FAM222B: variants seen among roughly 807,000 people sequenced by gnomAD.
The protein encoded by FAM222B is family with sequence similarity 222 member B, also known as protein FAM222B.
Under a neutral mutation model 38.0 loss-of-function variants are expected in FAM222B, and 12 were observed. The observed-to-expected ratio is 0.32, with a 90% confidence interval of 0.20 to 0.51. The LOEUF (loss-of-function observed/expected upper bound fraction) is 0.51, where lower values mean the gene tolerates loss of function less well. FAM222B is among the 20% of genes least tolerant of loss of function. The pLI, the probability that FAM222B is intolerant of heterozygous loss-of-function variation, is 0.97. For synonymous variants in FAM222B, 329 were observed against 317.2 expected, an observed-to-expected ratio of 1.04 and a Z score of -0.40; for missense variants, 716 against 754.2, an observed-to-expected ratio of 0.95 and a Z score of 0.59.
intron 1 of FAM222B, among the ~76,000 whole-genome samples, chr17:28,811,484 A>C (rs1246391568): frequency 2.6e-5 from 4 of 152,132 alleles, no homozygotes; most frequent in African/African-American, 9.7e-5. Context: ...ACTAAAATAC[A>C]TCTGGAGGTT....
At chr17:28,823,742 C>T (rs1383336701) in intron 1 of FAM222B, among the ~76,000 whole-genome samples, 1 of 152,130 alleles carries the variant, frequency 6.6e-6, no homozygotes, top group Non-Finnish European at 1.5e-5. Flanking sequence ...TGATTAAATA[C>T]CATGACTTCA....
At chr17:28,790,880 T>G (rs1465780676) in intron 1 of FAM222B, among the ~76,000 whole-genome samples, 3 of 128,028 alleles carry the variant, frequency 2.3e-5, no homozygotes, top group Admixed American at 1.8e-4. Context: ...TTCAAATTGT[T>G]TCACTTTTTT....
chr17:28,780,231 C>T (rs547325133), intron 1 of FAM222B, among the ~76,000 whole-genome samples: 1 of 152,004 alleles, frequency 6.6e-6, no homozygotes, highest in African/African-American at 2.4e-5. Flanking sequence ...CAGCCCACTC[C>T]AGCCACTTTT....
At chr17:28,806,251 T>C (rs1394433094) in intron 1 of FAM222B, among the ~76,000 whole-genome samples, 1 of 152,208 alleles carries the variant, frequency 6.6e-6, no homozygotes, top group Non-Finnish European at 1.5e-5. Flanking sequence ...TAACAGACTT[T>C]TCAAAGATCA....
chr17:28,756,264 G>C lies in FAM222B; in HGVS notation c.*2006C>G, dbSNP rs1226860952. ...TCTCACACCAAAGGCGAGGGCAGTT[G>C]GGGGCAGGGGGATCACAGTACATTT... On this transcript the variant is annotated 3_prime_UTR_variant, in exon 3 of 3. Coordinates refer to ENST00000581407, the MANE Select transcript of FAM222B (RefSeq NM_001077498.3). 6.5e-6 allele frequency: 1 copy of C among 152,746 alleles called. No homozygotes were observed. Among genetic ancestry groups the C allele is most frequent in the Non-Finnish European group, 1.5e-5 (1 of 68,218 alleles). 9.5% of individuals were successfully genotyped at this position (152,746 alleles called of 1,614,324 possible).
At chr17:28,794,033 G>A (rs188204567) in intron 1 of FAM222B, among the ~76,000 whole-genome samples, 1 of 152,208 alleles carries the variant, frequency 6.6e-6, no homozygotes, top group East Asian at 1.9e-4. Context: ...ACAGGCGTAA[G>A]CCACGGCTCC....
At chr17:28,783,683 G>T (rs2036261968) in intron 1 of FAM222B, among the ~76,000 whole-genome samples, 1 of 151,982 alleles carries the variant, frequency 6.6e-6, no homozygotes, top group African/African-American at 2.4e-5. Flanking sequence ...CTAATTTTTT[G>T]TATCTTTAGT....
At chr17:28,829,072 A>AT (rs2038552973) in intron 1 of FAM222B, among the ~76,000 whole-genome samples, 1 of 150,706 alleles carries the variant, frequency 6.6e-6, no homozygotes, top group South Asian at 2.1e-4. Flanking sequence ...TGCCCGGCTA[A>AT]TTTTTGTATT....
At chr17:28,841,085 A>G (rs2039022389) in intron 1 of FAM222B, among the ~76,000 whole-genome samples, 2 of 152,168 alleles carry the variant, frequency 1.3e-5, no homozygotes, top group Non-Finnish European at 2.9e-5. Flanking sequence ...ACCTGACGTG[A>G]GGAGTTCAAG....
chr17:28,833,029 A>T (rs1452362572), intron 1 of FAM222B, among the ~76,000 whole-genome samples: 1 of 150,852 alleles, frequency 6.6e-6, no homozygotes, highest in African/African-American at 2.4e-5. Flanking sequence ...AAAAAAAAAA[A>T]AAAAGGAAAG....
chr17:28,775,959 C>T (rs1418794353), intron 1 of FAM222B, among the ~76,000 whole-genome samples: 1 of 151,646 alleles, frequency 6.6e-6, no homozygotes, highest in South Asian at 2.1e-4. Context: ...ACCTGTAATC[C>T]CAGCTACTTG....
Position 28,790,915 on chromosome 17 carries a change from T to A in FAM222B, c.-40-24208A>T, listed in dbSNP as rs112581795. 2.5e-3 allele frequency among the ~76,000 whole-genome samples: 308 copies of A among 121,032 alleles called. 3 individuals carry two copies. The highest frequency in any genetic ancestry group is 6.5e-3 in the African/African-American group (199 of 30,826). The allele number at this position is 121,032 out of a possible 152,430, so 79.4% of individuals were successfully genotyped here. A position where few individuals can be genotyped will look rare whatever the true frequency, so the allele number is the denominator to read the frequency against. ...TTTTTTTTTTTTTTTTTTTTTTTTT[T>A]AGAGACAGAATCTTGCTCTGTTGCC... On this transcript the variant is annotated intron_variant, in intron 1 of 2. Coordinates refer to ENST00000581407, the MANE Select transcript of FAM222B (RefSeq NM_001077498.3).
chr17:28,796,884 T>C (rs572648740), intron 1 of FAM222B, among the ~76,000 whole-genome samples: 13 of 151,568 alleles, frequency 8.6e-5, no homozygotes, highest in South Asian at 4.2e-4. Flanking sequence ...CATGGGGAGA[T>C]AGGGATAGGT....
chr17:28,795,111 T>A (rs1597941431), intron 1 of FAM222B, among the ~76,000 whole-genome samples: 1 of 150,848 alleles, frequency 6.6e-6, no homozygotes, highest in South Asian at 2.1e-4. Flanking sequence ...AAAAAAACCC[T>A]AAAATTCCTA....
At chr17:28,818,487 C>T (rs1415395528) in intron 1 of FAM222B, among the ~76,000 whole-genome samples, 1 of 150,668 alleles carries the variant, frequency 6.6e-6, no homozygotes, top group East Asian at 1.9e-4. Flanking sequence ...GAGATCGCGC[C>T]ACTGCACTCC....
chr17:28,826,006 T>C (rs982236721), intron 1 of FAM222B, among the ~76,000 whole-genome samples: 4 of 152,228 alleles, frequency 2.6e-5, no homozygotes, highest in Non-Finnish European at 4.4e-5. Context: ...ACTCCTGGCC[T>C]CAAGTGATCT....
chr17:28,853,748 A>T (rs2039200790), intron 1 of FAM222B, among the ~76,000 whole-genome samples: 1 of 152,030 alleles, frequency 6.6e-6, no homozygotes, highest in South Asian at 2.1e-4. Context: ...CTCCATAGTC[A>T]GGCATGTTAG....
At chr17:28,842,090 C>T (rs1190698269) in intron 1 of FAM222B, among the ~76,000 whole-genome samples, 1 of 152,170 alleles carries the variant, frequency 6.6e-6, no homozygotes, top group Non-Finnish European at 1.5e-5. Context: ...GTGATGCTTG[C>T]AATAGCCCGT....
At chr17:28,770,973 T>G (rs1043410009) in intron 1 of FAM222B, among the ~76,000 whole-genome samples, 1 of 151,490 alleles carries the variant, frequency 6.6e-6, no homozygotes, top group Non-Finnish European at 1.5e-5. Flanking sequence ...TATAAATATG[T>G]GTGTGTATAT....
Sources: gnomAD v4.1 joint callset for allele counts (sites outside exome capture counted in the v4.1 genomes callset) on GRCh38, gnomAD v4.1.1 for gene constraint, MANE v1.5 for transcripts, NCBI Gene and HGNC (gene_info 2026-07-23, HGNC 2026-07-21) for gene names.